EVL: variants seen among roughly 807,000 people sequenced by gnomAD.
EVL encodes the protein Enah/Vasp-like, also known as ena/VASP-like protein.
In EVL, 21 loss-of-function variants were observed where a neutral mutation model predicts 59.6. The ratio of observed to expected loss-of-function variants is 0.35; its 90% CI spans 0.25 to 0.51. The LOEUF is 0.51. Among genes scored for constraint, EVL ranks in the 20% least tolerant of loss-of-function variants. EVL has a pLI of 0.97. For synonymous variants in EVL, 198 were observed against 203.5 expected (o/e 0.97, Z 0.23); for missense variants, 462 against 546.6 (o/e 0.85, Z 1.54).
intron 1 of EVL, among the ~76,000 whole-genome samples, chr14:100,080,581 A>G (rs558097744): frequency 4.6e-5 from 7 of 152,348 alleles, no homozygotes; most frequent in Admixed American, 2.0e-4. Flanking sequence ...GTCTTGCATG[A>G]CACACGGAGG....
chr14:100,009,689 G>T (rs1240417953), intron 1 of EVL, among the ~76,000 whole-genome samples: 1 of 152,170 alleles, frequency 6.6e-6, no homozygotes, highest in Non-Finnish European at 1.5e-5. Flanking sequence ...TTTATTCTGT[G>T]CCAAATATGG....
chr14:100,021,482 T>C (rs2061123537), intron 1 of EVL, among the ~76,000 whole-genome samples: 1 of 152,202 alleles, frequency 6.6e-6, no homozygotes, highest in Non-Finnish European at 1.5e-5. Flanking sequence ...ATGGCTTTCT[T>C]CTCTAGTCAT....
chr14:100,010,912 G>T (rs1009769756), intron 1 of EVL, among the ~76,000 whole-genome samples: 2 of 152,230 alleles, frequency 1.3e-5, no homozygotes, highest in Non-Finnish European at 2.9e-5. Flanking sequence ...AGATCCAAAA[G>T]TGAGGTCGTT....
At chr14:99,987,503 A>G (rs964386446) in intron 1 of EVL, among the ~76,000 whole-genome samples, 6 of 152,134 alleles carry the variant, frequency 3.9e-5, no homozygotes, top group African/African-American at 1.4e-4. Flanking sequence ...TTAGCCTGGC[A>G]TGGTGGCACA....
chr14:100,084,883 C>T lies in EVL; in HGVS notation c.180+28C>T, dbSNP rs376926028. 60 of 1,610,452 alleles carry T rather than the reference C, an allele frequency of 3.7e-5. No individual in the cohort carries two copies. The African/African-American group carries it at 4.0e-4, about 11-fold the overall frequency. ...CAGTGCTGGAATTACAGATTATACC[C>T]GTGAGCCTGCGCACCACCTCCTCAC... On this transcript the variant is annotated intron_variant, in intron 2 of 13. Coordinates refer to ENST00000392920, the MANE Select transcript of EVL (RefSeq NM_016337.3).
At chr14:100,137,486 G>T in intron 9 of EVL, 92 bp from the exon 10 acceptor site, 1 of 1,383,566 alleles carries the variant, frequency 7.2e-7, no homozygotes, top group South Asian at 1.2e-5. Flanking sequence ...CTTGGCATGG[G>T]TGAGGGCTTC....
chr14:100,122,356 C>A (rs1887755607), intron 3 of EVL, among the ~76,000 whole-genome samples: 1 of 152,226 alleles, frequency 6.6e-6, no homozygotes, highest in South Asian at 2.1e-4. Flanking sequence ...CTGGGCCTGG[C>A]TTCCCAGCTG....
chr14:100,048,820 A>C (rs978002553), intron 1 of EVL, among the ~76,000 whole-genome samples: 4 of 152,260 alleles, frequency 2.6e-5, no homozygotes, highest in African/African-American at 9.6e-5. Flanking sequence ...TACACTGAAT[A>C]AAGGAGGCCT....
intron 1 of EVL, among the ~76,000 whole-genome samples, chr14:100,032,467 G>T (rs764610976): frequency 6.6e-6 from 1 of 152,168 alleles, no homozygotes; most frequent in Non-Finnish European, 1.5e-5. Flanking sequence ...TCATAGAAAG[G>T]TGGGATGAGA....
chr14:100,080,373 T>C (rs1200088172), intron 1 of EVL, among the ~76,000 whole-genome samples: 1 of 152,176 alleles, frequency 6.6e-6, no homozygotes, highest in Non-Finnish European at 1.5e-5. Context: ...GGACAAAGAT[T>C]GTGGCTTTTC....
At chr14:100,017,494 A>G (rs990583583) in intron 1 of EVL, among the ~76,000 whole-genome samples, 2 of 152,196 alleles carry the variant, frequency 1.3e-5, no homozygotes, top group African/African-American at 4.8e-5. Flanking sequence ...AATATATTTG[A>G]TAAAGAACTT....
intron 1 of EVL, chr14:100,066,342 T>C (rs1306613201): frequency 1.3e-5 from 2 of 152,264 alleles, no homozygotes; most frequent in Non-Finnish European, 2.9e-5. Flanking sequence ...CACTCCTGTT[T>C]CGTAGCTGAG....
chr14:99,973,083 C>T (rs796502765), intron 1 of EVL, among the ~76,000 whole-genome samples: 9 of 152,160 alleles, frequency 5.9e-5, no homozygotes, highest in African/African-American at 2.2e-4. Flanking sequence ...GCTTTGTTGG[C>T]TATTAATAAT....
At chr14:100,112,059 C>G (rs949468105) in intron 3 of EVL, among the ~76,000 whole-genome samples, 2 of 152,240 alleles carry the variant, frequency 1.3e-5, no homozygotes, top group African/African-American at 4.8e-5. Context: ...TCATTCACAG[C>G]TGTTTTCTTT....
At chr14:100,058,542 C>T (rs1308730227) in intron 1 of EVL, among the ~76,000 whole-genome samples, 1 of 152,192 alleles carries the variant, frequency 6.6e-6, no homozygotes, top group East Asian at 1.9e-4. Context: ...CACTAAATTG[C>T]GTCACAAGTG....
Position 99,972,184 on chromosome 14 carries a change from CG to C in EVL, c.5+132del. The C allele has an allele frequency of 4.9e-6, 1 of 205,302 alleles. No homozygotes were observed. Among genetic ancestry groups the C allele is most frequent in the Non-Finnish European group, 9.9e-6 (1 of 101,518 alleles). 12.7% of individuals were successfully genotyped at this position (205,302 alleles called of 1,614,324 possible). On this transcript the variant is annotated intron_variant, in intron 1 of 13. Transcript: ENST00000402714. The surrounding 1 kb of genome is among the most constrained non-coding windows in gnomAD (Gnocchi z 4.4). ...GGGCGCGGGGGCTTCCAGAGAACCG[CG>C]GGGGCTCTGCAGAGATTCGGGGGCA...
In EVL at chr14:100,052,624, G is replaced by A. The variant is rs566713536; in HGVS notation, c.6-32063G>A. Among the ~76,000 whole-genome samples, 191 of 152,078 alleles carry A rather than the reference G, an allele frequency of 1.3e-3. 2 individuals carry two copies. Among genetic ancestry groups the A allele is most frequent in the Non-Finnish European group, 3.2e-4 (22 of 67,992 alleles). On this transcript the variant is annotated intron_variant, in intron 1 of 13. Transcript: ENST00000402714. The stretch of plus-strand genomic sequence containing the variant: ...AAAAATTAGCCAGGCATGGTGGTGT[G>A]CACCTGTAGCCCCAGCTACTTGGGA...
intron 1 of EVL, among the ~76,000 whole-genome samples, chr14:100,033,600 T>C (rs1019962934): frequency 6.6e-6 from 1 of 152,238 alleles, no homozygotes; most frequent in Admixed American, 6.5e-5. Context: ...ATGTTTGTTT[T>C]ATATAATGTT....
intron 1 of EVL, among the ~76,000 whole-genome samples, chr14:100,021,956 A>G (rs73345496): frequency 0.057 from 8,745 of 152,114 alleles, 320 homozygotes; most frequent in Middle Eastern, 0.095. Flanking sequence ...TGGGATGAGA[A>G]TCAGAGAACT....
Sources: allele counts gnomAD v4.1 joint callset (sites outside exome capture counted in the v4.1 genomes callset), GRCh38; gene constraint gnomAD v4.1.1; non-coding constraint Gnocchi (gnomAD v3.1); transcripts MANE v1.5; gene names NCBI Gene and HGNC (gene_info 2026-07-23, HGNC 2026-07-21).